N4BP2L1: variants seen among roughly 807,000 people sequenced by gnomAD.
The protein encoded by N4BP2L1 is NEDD4 binding protein 2 like 1.
N4BP2L1 carries 12 observed loss-of-function variants against 21.2 expected under a neutral mutation model. That is an observed-to-expected ratio of 0.57 (90% CI 0.36 to 0.92). N4BP2L1 has a LOEUF of 0.92. Ranked by LOEUF, N4BP2L1 falls within the 40% of genes least tolerant of loss-of-function variation. The pLI is 0.01. For synonymous variants in N4BP2L1, 104 were observed against 112.8 expected (o/e 0.92, Z 0.49); for missense variants, 259 against 310.6 (o/e 0.83, Z 1.25).
chr13:32,420,488 G>T (rs1391066850), intron 1 of N4BP2L1: 1 of 152,152 alleles, frequency 6.6e-6, no homozygotes, highest in Non-Finnish European at 1.5e-5. Context: ...TGCTTAAATG[G>T]GAAGGCGGCT....
chr13:32,411,869 G>A (rs1352800651), intron 1 of N4BP2L1: 6 of 771,794 alleles, frequency 7.8e-6, no homozygotes, highest in South Asian at 1.2e-4. Flanking sequence ...TTAACTTGAC[G>A]CCCAGTTTTT....
chr13:32,419,580 G>C (rs1389433556), intron 1 of N4BP2L1, among the ~76,000 whole-genome samples: 2 of 151,654 alleles, frequency 1.3e-5, no homozygotes, highest in Non-Finnish European at 2.9e-5. Context: ...CTGATCTGAT[G>C]GTTTCATAAG....
intron 1 of N4BP2L1, among the ~76,000 whole-genome samples, chr13:32,423,577 C>T (rs1396005360): frequency 6.6e-6 from 1 of 152,182 alleles, no homozygotes. Flanking sequence ...TATGCCCATA[C>T]AAGGTAATAT....
chr13:32,420,935 T>C (rs1395167205), intron 1 of N4BP2L1, among the ~76,000 whole-genome samples: 1 of 151,864 alleles, frequency 6.6e-6, no homozygotes, highest in African/African-American at 2.4e-5. Context: ...CCTCAGGTGA[T>C]TCCACCCGCC....
At chr13:32,418,441 G>A (rs1189321822) in intron 1 of N4BP2L1, among the ~76,000 whole-genome samples, 3 of 152,232 alleles carry the variant, frequency 2.0e-5, no homozygotes, top group East Asian at 1.9e-4. Context: ...AGGCAGAGGT[G>A]TGCTGCAGGG....
chr13:32,420,091 G>GACTGT (rs1436462902), intron 1 of N4BP2L1, among the ~76,000 whole-genome samples: 1 of 152,208 alleles, frequency 6.6e-6, no homozygotes, highest in Non-Finnish European at 1.5e-5. Flanking sequence ...ACAGTGGCTA[G>GACTGT]GGGGACTCAG....
Position 32,402,483 on chromosome 13 carries a change from T to TATC in N4BP2L1, c.*456_*458dup. 1.1e-6 allele frequency: 1 copy of TATC among 877,250 alleles called. No homozygotes were observed. The highest frequency in any genetic ancestry group is 1.3e-6 in the Non-Finnish European group (1 of 741,782). 54.3% of individuals were successfully genotyped at this position (877,250 alleles called of 1,614,324 possible). ...ATCTCACATTTTTAGATACATAGAT[T>TATC]ATCAAAGTAGCAATGGCACTTTGAT... On this transcript the variant is annotated 3_prime_UTR_variant, in exon 5 of 5. Coordinates refer to ENST00000380130, the MANE Select transcript of N4BP2L1 (RefSeq NM_052818.3).
chr13:32,407,391 G>A (rs2073583767), intron 2 of N4BP2L1, 53 bp from the exon 3 acceptor site: 1 of 1,613,574 alleles, frequency 6.2e-7, no homozygotes, highest in African/African-American at 1.3e-5. Context: ...CAGAGGGAAG[G>A]TGAGCGTAAT....
At chr13:32,427,385 A>G (rs2074839150) in intron 1 of N4BP2L1, among the ~76,000 whole-genome samples, 1 of 152,108 alleles carries the variant, frequency 6.6e-6, no homozygotes. Flanking sequence ...ATGCGCTCGG[A>G]TTACAGCGCC....
intron 1 of N4BP2L1, among the ~76,000 whole-genome samples, chr13:32,418,319 G>A (rs1180150604): frequency 6.6e-6 from 1 of 152,262 alleles, no homozygotes; most frequent in African/African-American, 2.4e-5. Flanking sequence ...CAAGCCCCAA[G>A]CCTTGGCAGC....
chr13:32,417,870 T>A (rs2074238046), intron 1 of N4BP2L1, among the ~76,000 whole-genome samples: 1 of 152,094 alleles, frequency 6.6e-6, no homozygotes, highest in African/African-American at 2.4e-5. Flanking sequence ...GCCCTAGAGA[T>A]CCACATGTGG....
chr13:32,415,553 T>G (rs2074089870), intron 1 of N4BP2L1, among the ~76,000 whole-genome samples: 1 of 152,228 alleles, frequency 6.6e-6, no homozygotes, highest in Non-Finnish European at 1.5e-5. Context: ...TGACTCTGCT[T>G]ATCTCTAATA....
chr13:32,408,038 T>C (rs565962596), intron 1 of N4BP2L1, among the ~76,000 whole-genome samples: 11 of 152,354 alleles, frequency 7.2e-5, no homozygotes, highest in African/African-American at 1.2e-4. Flanking sequence ...CGCTGCCTTC[T>C]GTAGCGGCAA....
Position 32,427,984 on chromosome 13 carries a change from T to C in N4BP2L1, c.99A>G (p.Thr33=). The C allele has an allele frequency of 6.5e-7, 1 of 1,549,626 alleles. No homozygotes were observed. Residue 33 remains threonine, a synonymous_variant, in exon 1 of 5, where the codon ACA becomes ACG. Coordinates refer to ENST00000380130, the MANE Select transcript of N4BP2L1 (RefSeq NM_052818.3). ...QRPPRPPPRG[T]PPRRHSFRKH... Reference sequence around the variant, plus strand: ...TCCTAAAGCTGTGGCGGCGAGGAGGTGTCCCCCGCGGGGGCGGCCGGGGCG... The same window carrying C: ...TCCTAAAGCTGTGGCGGCGAGGAGGCGTCCCCCGCGGGGGCGGCCGGGGCG...
At chr13:32,414,379 G>C (rs1172203965) in intron 1 of N4BP2L1, among the ~76,000 whole-genome samples, 6 of 152,140 alleles carry the variant, frequency 3.9e-5, no homozygotes, top group Non-Finnish European at 7.3e-5. Flanking sequence ...AGCAATATTA[G>C]TTTGTGTGTG....
At chr13:32,417,741 C>A (rs1274612322) in intron 1 of N4BP2L1, among the ~76,000 whole-genome samples, 1 of 152,088 alleles carries the variant, frequency 6.6e-6, no homozygotes, top group African/African-American at 2.4e-5. Flanking sequence ...TGGCTTTGAC[C>A]AAAATGCTGC....
At chr13:32,408,038 T>G (rs565962596) in intron 1 of N4BP2L1, among the ~76,000 whole-genome samples, 1 of 152,236 alleles carries the variant, frequency 6.6e-6, no homozygotes, top group Non-Finnish European at 1.5e-5. Flanking sequence ...CGCTGCCTTC[T>G]GTAGCGGCAA....
chr13:32,420,465 G>A (rs984079479), intron 1 of N4BP2L1: 3 of 152,146 alleles, frequency 2.0e-5, no homozygotes, highest in African/African-American at 7.2e-5. Flanking sequence ...CTGTCACTTT[G>A]GGCTGTCTGT....
At chr13:32,422,673 G>C (rs377498821) in intron 1 of N4BP2L1, among the ~76,000 whole-genome samples, 3 of 152,132 alleles carry the variant, frequency 2.0e-5, no homozygotes, top group African/African-American at 7.2e-5. Flanking sequence ...TCTCCAATGA[G>C]CAAGAACAAG....
Sources: gnomAD v4.1 joint callset for allele counts (sites outside exome capture counted in the v4.1 genomes callset) on GRCh38, gnomAD v4.1.1 for gene constraint, MANE v1.5 for transcripts, NCBI Gene and HGNC (gene_info 2026-07-23, HGNC 2026-07-21) for gene names.